Variants in CBR4 observed in about 807,000 individuals in gnomAD.
CBR4 encodes the protein carbonyl reductase 4.
A neutral mutation model predicts 21.0 loss-of-function variants in CBR4; 22 were observed. That is an observed-to-expected ratio of 1.05 (90% confidence interval 0.75 to 1.50). CBR4 has a LOEUF of 1.50. Ranked by LOEUF, CBR4 falls within the 40% of genes most tolerant of loss-of-function variation. CBR4 has a pLI of 0.00. For synonymous variants in CBR4, 100 were observed against 104.4 expected, an observed-to-expected ratio of 0.96 and a Z score of 0.26; for missense variants, 302 against 286.3, an observed-to-expected ratio of 1.05 and a Z score of -0.40.
intron 3 of CBR4, chr4:169,005,135 G>C (rs1178706833): frequency 2.0e-5 from 3 of 152,126 alleles, no homozygotes; most frequent in Non-Finnish European, 4.4e-5. Flanking sequence ...AGTACACAGA[G>C]AGAACAGACA....
chr4:168,913,872 C>A, intron 2 of CBR4: 2 of 1,137,460 alleles, frequency 1.8e-6, no homozygotes, highest in Non-Finnish European at 2.7e-6. Context: ...CATGATAGTG[C>A]TTAGTGGTTA....
At chr4:168,919,645 G>A (rs1040383420) in intron 2 of CBR4, among the ~76,000 whole-genome samples, 3 of 151,850 alleles carry the variant, frequency 2.0e-5, no homozygotes, top group Admixed American at 6.6e-5. Flanking sequence ...CACTAAAGCA[G>A]CAGCTTGCTT....
At chr4:168,928,750 G>A (rs977671582) in intron 2 of CBR4, among the ~76,000 whole-genome samples, 3 of 152,240 alleles carry the variant, frequency 2.0e-5, no homozygotes, top group East Asian at 3.9e-4. Context: ...CCTGAAGGCC[G>A]CCTGTATTCC....
chr4:169,010,039 A>G lies in CBR4; in HGVS notation c.51T>C (p.Ala17=). Residue 17 remains alanine (A), a synonymous_variant, in exon 1 of 5, where the codon GCT becomes GCC. Coordinates refer to ENST00000306193, the MANE Select transcript of CBR4 (RefSeq NM_032783.5). ...CTTTCCGGGCCATTAACTGGGCCAC[A>G]GCTCTGCCAATGCCTCGGGAGCCTC... ...VFGGSRGIGR[A]VAQLMARKGY... The G allele has an allele frequency of 6.2e-7, 1 of 1,613,842 alleles. No individual in the cohort carries two copies. The highest frequency in any genetic ancestry group is 8.5e-7 in the Non-Finnish European group (1 of 1,179,958).
chr4:168,991,193 A>G (rs1200690000), intron 4 of CBR4, among the ~76,000 whole-genome samples: 2 of 152,236 alleles, frequency 1.3e-5, no homozygotes, highest in African/African-American at 2.4e-5. Flanking sequence ...CTAGCAAAAT[A>G]TAAGTAGGTA....
intron 2 of CBR4, among the ~76,000 whole-genome samples, chr4:168,952,467 AT>A (rs1027363893): frequency 4.6e-5 from 7 of 151,934 alleles, no homozygotes; most frequent in Non-Finnish European, 8.8e-5. Context: ...ACCTAGTGTG[AT>A]TTTGGGGGGG....
chr4:169,007,861 A>G (rs1280663799), intron 1 of CBR4, 105 bp from the exon 2 acceptor site: 6 of 712,556 alleles, frequency 8.4e-6, no homozygotes, highest in East Asian at 3.4e-5. Context: ...GTGCTAATCT[A>G]GAACCTAAAG....
chr4:168,988,187 C>T lies in CBR4; in HGVS notation c.*1963G>A, dbSNP rs931814703. On this transcript the variant is annotated 3_prime_UTR_variant, in exon 5 of 5. Transcript: ENST00000306193. ...ATTCTACTAGGTCAGTGGGAGTGGG[C>T]GGATTCACCTGGAGTGGAGCAGTGA... 9.1e-6 allele frequency: 9 copies of T among 985,244 alleles called. No individual in the cohort carries two copies. In the East Asian group the frequency reaches 3.4e-4, roughly 37 times the overall value. The allele number at this position is 985,244 out of a possible 1,614,324, so 61.0% of individuals were successfully genotyped here.
intron 2 of CBR4, among the ~76,000 whole-genome samples, chr4:168,979,049 C>T (rs1578972496): frequency 6.6e-6 from 1 of 152,112 alleles, no homozygotes; most frequent in Non-Finnish European, 1.5e-5. Context: ...GAGCCTCCAG[C>T]ACAGCATAGC....
chr4:168,976,602 T>C (rs769902294), intron 2 of CBR4, among the ~76,000 whole-genome samples: 9 of 152,158 alleles, frequency 5.9e-5, no homozygotes, highest in Non-Finnish European at 1.0e-4. Context: ...AATTACCTTC[T>C]TAAGGGCAGG....
At chr4:168,962,020 C>A in intron 2 of CBR4, among the ~76,000 whole-genome samples, 1 of 143,066 alleles carries the variant, frequency 7.0e-6, no homozygotes, top group Non-Finnish European at 1.5e-5. Context: ...GGAAGGCAAG[C>A]AGGCCAAAAA....
intron 3 of CBR4, among the ~76,000 whole-genome samples, chr4:169,002,740 ATT>A (rs34433008): frequency 0.24 from 34,866 of 142,314 alleles, 4,240 homozygotes; most frequent in Middle Eastern, 0.3. Context: ...CAGATATTGC[ATT>A]TTTTTTTTTT....
chr4:168,921,839 TA>T (rs1215732798), intron 2 of CBR4: 5 of 967,358 alleles, frequency 5.2e-6, no homozygotes, highest in East Asian at 2.5e-5. Flanking sequence ...GAAAATAAAG[TA>T]TTGAAAAAAT....
At chr4:168,901,893 T>A (rs1198804164) in intron 2 of CBR4, among the ~76,000 whole-genome samples, 3 of 152,142 alleles carry the variant, frequency 2.0e-5, no homozygotes, top group African/African-American at 7.2e-5. Context: ...AGTAAAATAA[T>A]TATGAAGTAT....
chr4:168,986,099 G>GA (rs1281069615), downstream of CBR4, among the ~76,000 whole-genome samples: 4 of 151,282 alleles, frequency 2.6e-5, no homozygotes, highest in African/African-American at 4.9e-5. Flanking sequence ...TCCGGGGGGG[G>GA]AACAATAAAA....
At chr4:168,970,408 A>T (rs996990258) in intron 2 of CBR4, among the ~76,000 whole-genome samples, 12 of 152,152 alleles carry the variant, frequency 7.9e-5, no homozygotes, top group African/African-American at 2.9e-4. Flanking sequence ...AACCAATTTC[A>T]ATTTCTTCCC....
At chr4:168,999,685 A>T (rs1730248886) in intron 4 of CBR4, among the ~76,000 whole-genome samples, 1 of 151,932 alleles carries the variant, frequency 6.6e-6, no homozygotes, top group Non-Finnish European at 1.5e-5. Flanking sequence ...TTTAAGAAAG[A>T]AAGACTACAA....
At position 168,987,717 on chromosome 4, in the gene CBR4, A is replaced by G. The variant is rs1251160978; in HGVS notation, c.*2433T>C. ...AAAAATGTTTCACCAATGTTAAGGT[A>G]CAACTCTTGAATATGCAGCGTAGTC... On this transcript the variant is annotated 3_prime_UTR_variant, in exon 5 of 5. Transcript: ENST00000306193. The G allele has an allele frequency of 1.0e-5, 10 of 984,446 alleles. No homozygotes were observed. Among genetic ancestry groups the G allele is most frequent in the East Asian group, 1.1e-4 (1 of 8,826 alleles). The allele number at this position is 984,446 out of a possible 1,614,324, so 61.0% of individuals were successfully genotyped here.
chr4:168,898,757 G>A, intron 2 of CBR4: 1 of 1,331,686 alleles, frequency 7.5e-7, no homozygotes, highest in Non-Finnish European at 1.1e-6. Context: ...ATTCTCTGAG[G>A]AAAGGTTTAG....
Sources: gnomAD v4.1 joint callset for allele counts (sites outside exome capture counted in the v4.1 genomes callset) on GRCh38, gnomAD v4.1.1 for gene constraint, MANE v1.5 for transcripts, NCBI Gene and HGNC (gene_info 2026-07-23, HGNC 2026-07-21) for gene names.